Variants in TRIP11 observed in about 807,000 individuals in gnomAD.
TRIP11 encodes thyroid receptor-interacting protein 11.
In TRIP11, 148 loss-of-function variants were observed where a neutral mutation model predicts 223.1. The observed-to-expected ratio is 0.66, with a 90% CI of 0.58 to 0.76. The LOEUF (loss-of-function observed/expected upper bound fraction) is 0.76, where lower values mean the gene tolerates loss of function less well. Ranked by LOEUF, TRIP11 falls within the 30% of genes least tolerant of loss-of-function variation. The probability of loss-of-function intolerance (pLI) is 0.00; values close to 1 mark genes in which losing one functional copy is unlikely to be tolerated. For missense variants in TRIP11, 2,043 were observed against 2,222.0 expected (o/e 0.92, Z 1.62); for synonymous variants, 762 against 772.6 (o/e 0.99, Z 0.23).
chr14:91,991,413 C>G (rs1405078580), intron 15 of TRIP11, among the ~76,000 whole-genome samples: 2 of 152,110 alleles, frequency 1.3e-5, no homozygotes, highest in East Asian at 3.9e-4. Flanking sequence ...ACAAAATGGA[C>G]TAAGACACTT....
At chr14:91,976,263 A>T in intron 16 of TRIP11, 74 bp from the exon 17 acceptor site, 1 of 1,243,956 alleles carries the variant, frequency 8.0e-7, no homozygotes, top group South Asian at 1.2e-5. Context: ...AATGAAATTT[A>T]TGAGATCTTT....
intron 16 of TRIP11, among the ~76,000 whole-genome samples, chr14:91,984,967 C>G (rs986747952): frequency 3.9e-5 from 6 of 152,222 alleles, no homozygotes; most frequent in African/African-American, 1.4e-4. Context: ...ACAGCCAACA[C>G]TGTCTATTAA....
chr14:91,972,587 T>A (rs1053132546), intron 20 of TRIP11, 130 bp downstream of exon 20: 8 of 919,112 alleles, frequency 8.7e-6, no homozygotes, highest in Non-Finnish European at 1.3e-5. Flanking sequence ...TGATGCCTTA[T>A]TGGAATTCTG....
chr14:92,010,914 T>C (rs2056963944), intron 9 of TRIP11, 72 bp downstream of exon 9: 1 of 1,339,322 alleles, frequency 7.5e-7, no homozygotes, highest in African/African-American at 1.4e-5. Flanking sequence ...TCCATTTGGA[T>C]ATCAACTGGC....
At chr14:92,029,878 C>A (rs1052638842) in intron 2 of TRIP11, among the ~76,000 whole-genome samples, 1 of 151,632 alleles carries the variant, frequency 6.6e-6, no homozygotes, top group African/African-American at 2.4e-5. Flanking sequence ...ATGGCAATAT[C>A]CTGGAAGAAT....
At chr14:92,036,160 G>A (rs560503425) in intron 1 of TRIP11, among the ~76,000 whole-genome samples, 84 of 152,248 alleles carry the variant, frequency 5.5e-4, no homozygotes, top group Non-Finnish European at 9.7e-4. Flanking sequence ...AATTTGTTTA[G>A]GAAGGTAATT....
In TRIP11 at chr14:92,004,021, C is replaced by G; in HGVS notation, c.3955G>C (p.Ala1319Pro). 6.2e-7 allele frequency: 1 copy of G among 1,614,138 alleles called. No individual in the cohort carries two copies. Among genetic ancestry groups the G allele is most frequent in the Non-Finnish European group, 8.5e-7 (1 of 1,180,036 alleles). Residue 1319 changes from alanine (A) to proline (P), a missense_variant, in exon 11 of 21, where the codon GCA (alanine) becomes CCA (proline). Physicochemically the swap from Ala to Pro is conservative, Grantham distance 27. Transcript: ENST00000267622. ...LDIISPQLSS[A>P]SLLTPQSAEC... ...GCAGACTGGGGAGTAAGCAATGATG[C>G]AGAAGACAGCTGGGGTGAAATAATA...
intron 4 of TRIP11, 126 bp downstream of exon 4, chr14:92,021,430 G>T: frequency 1.1e-5 from 9 of 847,090 alleles, no homozygotes; most frequent in Non-Finnish European, 1.6e-5. Context: ...GACGGAATTA[G>T]AATACACCTT....
At chr14:91,986,405 CA>C (rs1370688194) in intron 16 of TRIP11, among the ~76,000 whole-genome samples, 2 of 152,066 alleles carry the variant, frequency 1.3e-5, no homozygotes, top group African/African-American at 2.4e-5. Context: ...TCCAAAAATC[CA>C]AAATCCAAAA....
intron 16 of TRIP11, among the ~76,000 whole-genome samples, chr14:91,987,629 C>T (rs966416216): frequency 1.3e-5 from 2 of 152,112 alleles, no homozygotes; most frequent in African/African-American, 4.8e-5. Flanking sequence ...CTAAATGCAG[C>T]CCTAGAATAG....
intron 2 of TRIP11, among the ~76,000 whole-genome samples, chr14:92,031,108 TA>T (rs1863405170): frequency 6.6e-6 from 1 of 151,928 alleles, no homozygotes; most frequent in South Asian, 2.1e-4. Flanking sequence ...TTTATTTATT[TA>T]TTTTTTTATT....
rs2056352767 is a variant in TRIP11, at chr14:91,967,453, A to G, written c.*2220T>C. On this transcript the variant is annotated 3_prime_UTR_variant, in exon 21 of 21. Transcript: ENST00000267622. ...TGTGCCCGGCCAGTATTATAGCTTT[A>G]GGACAAGGTCACATATTTATTTAAA... 5.3e-6 allele frequency: 1 copy of G among 187,532 alleles called. No homozygotes were observed. Among genetic ancestry groups the G allele is most frequent in the Non-Finnish European group, 1.1e-5 (1 of 88,874 alleles). The allele number at this position is 187,532 out of a possible 1,614,324, so 11.6% of individuals were successfully genotyped here. A position where few individuals can be genotyped will look rare whatever the true frequency, so the allele number is the denominator to read the frequency against.
intron 8 of TRIP11, 79 bp from the exon 9 acceptor site, chr14:92,011,151 T>G: frequency 8.0e-7 from 1 of 1,244,028 alleles, no homozygotes; most frequent in Non-Finnish European, 1.2e-6. Context: ...TATACAATTG[T>G]GTGTTTCTAT....
At chr14:92,016,822 C>G (rs2057040568) in intron 5 of TRIP11, among the ~76,000 whole-genome samples, 1 of 152,100 alleles carries the variant, frequency 6.6e-6, no homozygotes, top group Middle Eastern at 3.2e-3. Context: ...GATTCAAACA[C>G]AGGTCTGATC....
At chr14:92,022,239 G>C (rs1427451681) in intron 3 of TRIP11, among the ~76,000 whole-genome samples, 1 of 152,154 alleles carries the variant, frequency 6.6e-6, no homozygotes, top group Non-Finnish European at 1.5e-5. Context: ...AATATCTCCT[G>C]TTACAAGGGT....
At chr14:92,013,048 C>G (rs546989446) in intron 7 of TRIP11, among the ~76,000 whole-genome samples, 160 of 152,300 alleles carry the variant, frequency 1.1e-3, no homozygotes, top group African/African-American at 3.6e-3. Context: ...GTGGGCAGAT[C>G]ATGAGGTCAA....
chr14:92,004,685 T>A lies in TRIP11; in HGVS notation c.3291A>T (p.Glu1097Asp), dbSNP rs1304304798. 1.3e-5 allele frequency: 21 copies of A among 1,614,144 alleles called. No individual in the cohort carries two copies. Among genetic ancestry groups the A allele is most frequent in the Non-Finnish European group, 1.6e-5 (19 of 1,180,014 alleles). Residue 1097 changes from glutamate (E) to aspartate (D), a missense_variant, in exon 11 of 21, where the codon GAA becomes GAT. By Grantham distance (45) the Glu-to-Asp change is conservative. Transcript: ENST00000267622. ...LQQQLQAYAM[E>D]REKVFAVLNE... ...TCAAAACAGCAAATACCTTTTCTCT[T>A]TCCATAGCATAAGCCTGCAGTTGCT...
At chr14:91,983,321 G>C (rs76329380) in intron 16 of TRIP11, among the ~76,000 whole-genome samples, 2 of 152,142 alleles carry the variant, frequency 1.3e-5, no homozygotes, top group Non-Finnish European at 2.9e-5. Context: ...ATGAATATTT[G>C]AGAAGTAAGT....
At chr14:91,999,838 T>C in intron 12 of TRIP11, 130 bp downstream of exon 12, 3 of 1,239,240 alleles carry the variant, frequency 2.4e-6, no homozygotes, top group Non-Finnish European at 3.4e-6. Context: ...ATTTTACTAC[T>C]GCACAGCAGA....
Sources: gnomAD v4.1 joint callset for allele counts (sites outside exome capture counted in the v4.1 genomes callset) on GRCh38, gnomAD v4.1.1 for gene constraint, MANE v1.5 for transcripts, NCBI Gene and HGNC (gene_info 2026-07-23, HGNC 2026-07-21) for gene names.